ARID3B: variants seen among roughly 807,000 people sequenced by gnomAD.
The protein encoded by ARID3B is AT-rich interaction domain 3B.
ARID3B carries 10 observed loss-of-function variants against 51.9 expected under a neutral mutation model. That is an observed-to-expected ratio of 0.19 (90% CI 0.12 to 0.33). The LOEUF is 0.33. Ranked by LOEUF, ARID3B falls within the 10% of genes least tolerant of loss-of-function variation. The pLI, the probability that ARID3B is intolerant of heterozygous loss-of-function variation, is 1.00. For missense variants in ARID3B, 483 were observed against 716.3 expected, an observed-to-expected ratio of 0.67 and a Z score of 3.72; for synonymous variants, 205 against 279.5, an observed-to-expected ratio of 0.73 and a Z score of 2.66.
At chr15:74,590,741 A>C (rs2061799791) in intron 5 of ARID3B, among the ~76,000 whole-genome samples, 1 of 152,194 alleles carries the variant, frequency 6.6e-6, no homozygotes, top group Admixed American at 6.5e-5. Context: ...CCTAAGACAC[A>C]AAGAATGACA....
In ARID3B at chr15:74,565,417, G is replaced by C. The variant is rs2061694101; in HGVS notation, c.553-7445G>C. On this transcript the variant is annotated intron_variant, in intron 2 of 8. Coordinates refer to ENST00000346246, the MANE Select transcript of ARID3B (RefSeq NM_006465.4). ...GTCAGTATGCACAATGGCAATTTAA[G>C]GACAGGGCAGTTTCTGAGAGGTTCC... Among the ~76,000 whole-genome samples, 4 of 152,184 alleles carry C rather than the reference G, an allele frequency of 2.6e-5. No individual in the cohort carries two copies. The South Asian group carries it at 8.3e-4, about 32-fold the overall frequency.
intron 2 of ARID3B, among the ~76,000 whole-genome samples, chr15:74,565,394 C>T (rs536711644): frequency 6.6e-6 from 1 of 152,258 alleles, no homozygotes; most frequent in South Asian, 2.1e-4. Context: ...TAAAAGTTGT[C>T]AGTATGCACA....
rs2061833331 is a variant in ARID3B at position 74,597,624 on chromosome 15, G to A, written c.*1850G>A. The A allele has an allele frequency of 3.7e-6, 2 of 534,136 alleles. No individual in the cohort carries two copies. Among genetic ancestry groups the A allele is most frequent in the Admixed American group, 2.2e-5 (1 of 44,668 alleles). The allele number at this position is 534,136 out of a possible 1,614,324, so 33.1% of individuals were successfully genotyped here. A position where few individuals can be genotyped will look rare whatever the true frequency, so the allele number is the denominator to read the frequency against. On this transcript the variant is annotated 3_prime_UTR_variant, in exon 9 of 9. Coordinates refer to ENST00000346246, the MANE Select transcript of ARID3B (RefSeq NM_006465.4). The stretch of plus-strand genomic sequence containing the variant: ...GGACGTGGTGCCAGTGAGGAGCCCA[G>A]TTGGCTGGCACTGGGCCCATTTGAA...
chr15:74,587,842 A>G (rs2061786871), intron 4 of ARID3B, among the ~76,000 whole-genome samples: 1 of 152,110 alleles, frequency 6.6e-6, no homozygotes, highest in Admixed American at 6.5e-5. Flanking sequence ...TATTTTACCT[A>G]TGAATTTGTG....
intron 2 of ARID3B, among the ~76,000 whole-genome samples, chr15:74,564,280 G>T (rs536067737): frequency 2.6e-5 from 4 of 152,282 alleles, no homozygotes; most frequent in African/African-American, 9.6e-5. Context: ...TATGCCTTGT[G>T]CATGTCTCAT....
At chr15:74,585,788 G>A (rs967884187) in intron 4 of ARID3B, among the ~76,000 whole-genome samples, 3 of 152,190 alleles carry the variant, frequency 2.0e-5, no homozygotes, top group Admixed American at 2.0e-4. Context: ...AAGAGAAATG[G>A]CTACCAGGTC....
At chr15:74,567,952 C>T (rs1463677348) in intron 2 of ARID3B, among the ~76,000 whole-genome samples, 1 of 152,134 alleles carries the variant, frequency 6.6e-6, no homozygotes, top group Non-Finnish European at 1.5e-5. Flanking sequence ...TTTTTGAAGG[C>T]CTGTGTGTGC....
rs77107968 is a variant in ARID3B, at chr15:74,592,291, T to C, written c.1420+477T>C. Among the ~76,000 whole-genome samples, 649 of 152,330 alleles carry C rather than the reference T, an allele frequency of 4.3e-3. 2 individuals carry two copies. Among genetic ancestry groups the C allele is most frequent in the Middle Eastern group, 0.02 (6 of 294 alleles). ...AGGAAACACAAGTTTGGCAGCATAA[T>C]TGACATCCTTTCCCTTCCTCTTCAC... is the stretch of plus-strand genomic sequence containing the variant. On this transcript the variant is annotated intron_variant, in intron 7 of 8. Transcript: ENST00000346246.
At chr15:74,573,451 C>A in intron 4 of ARID3B, 1 of 541,230 alleles carries the variant, frequency 1.8e-6, no homozygotes, top group Non-Finnish European at 3.3e-6. Context: ...GTCTCTTCTT[C>A]CAATTGACTG....
rs904201048 is a variant in ARID3B at position 74,597,016 on chromosome 15, G to A, written c.*1242G>A. 1.3e-5 allele frequency: 3 copies of A among 235,072 alleles called. No individual in the cohort carries two copies. Among genetic ancestry groups the A allele is most frequent in the East Asian group, 6.0e-5 (1 of 16,578 alleles). The allele number at this position is 235,072 out of a possible 1,614,324, so 14.6% of individuals were successfully genotyped here. On this transcript the variant is annotated 3_prime_UTR_variant, in exon 9 of 9. Transcript: ENST00000346246. ...TCACACCGGGTCGGGCCCTGAAACT[G>A]TACCAGTTCTGAAGACCGTTTTCTG...
At chr15:74,568,133 C>T (rs1340596447) in intron 2 of ARID3B, among the ~76,000 whole-genome samples, 1 of 152,148 alleles carries the variant, frequency 6.6e-6, no homozygotes, top group Non-Finnish European at 1.5e-5. Flanking sequence ...ATTTCAGTAC[C>T]GCCAGATAAC....
At chr15:74,562,562 C>T (rs1032113978) in intron 2 of ARID3B, among the ~76,000 whole-genome samples, 10 of 152,148 alleles carry the variant, frequency 6.6e-5, no homozygotes, top group Admixed American at 6.6e-4. Context: ...TTGCTGCTCA[C>T]TGCAGCCTGG....
chr15:74,554,780 C>A (rs2061651198), intron 2 of ARID3B, among the ~76,000 whole-genome samples: 1 of 151,826 alleles, frequency 6.6e-6, no homozygotes, highest in East Asian at 1.9e-4. Flanking sequence ...AATTTATATT[C>A]TTTTTACACT....
At chr15:74,590,059 A>G in intron 5 of ARID3B, 56 bp downstream of exon 5, 1 of 1,494,202 alleles carries the variant, frequency 6.7e-7, no homozygotes, top group Middle Eastern at 1.8e-4. Flanking sequence ...GGGATGTTGT[A>G]ACCTAGAGGA....
chr15:74,541,687 G>C (rs1324508048), intron 1 of ARID3B, among the ~76,000 whole-genome samples: 1 of 151,760 alleles, frequency 6.6e-6, no homozygotes, highest in African/African-American at 2.4e-5. Flanking sequence ...AATAAAGAAT[G>C]GGGGGAGGCG....
At chr15:74,551,369 G>T (rs963917000) in intron 2 of ARID3B, among the ~76,000 whole-genome samples, 1 of 152,170 alleles carries the variant, frequency 6.6e-6, no homozygotes, top group Non-Finnish European at 1.5e-5. Flanking sequence ...GTATCTTTCC[G>T]TATTAGCATA....
chr15:74,578,981 G>A (rs2061748788), intron 4 of ARID3B, among the ~76,000 whole-genome samples: 1 of 152,216 alleles, frequency 6.6e-6, no homozygotes. Flanking sequence ...AGTTTGAAAG[G>A]CCCGGAGACA....
At chr15:74,572,552 C>G (rs988239421) in intron 2 of ARID3B, among the ~76,000 whole-genome samples, 9 of 152,176 alleles carry the variant, frequency 5.9e-5, no homozygotes, top group African/African-American at 2.2e-4. Context: ...CAACGTGGGC[C>G]TTTGTGTCCT....
At chr15:74,547,007 G>C (rs987080561) in intron 2 of ARID3B, among the ~76,000 whole-genome samples, 4 of 151,956 alleles carry the variant, frequency 2.6e-5, no homozygotes, top group African/African-American at 9.7e-5. Flanking sequence ...CTTGGGGAGA[G>C]CCTATAGAAA....
Sources: allele counts gnomAD v4.1 joint callset (sites outside exome capture counted in the v4.1 genomes callset), GRCh38; gene constraint gnomAD v4.1.1; transcripts MANE v1.5; gene names NCBI Gene and HGNC (gene_info 2026-07-23, HGNC 2026-07-21).